RIT2: variants seen among roughly 807,000 people sequenced by gnomAD.
RIT2 encodes Ras like without CAAX 2.
In RIT2, 24 loss-of-function variants were observed where a neutral mutation model predicts 23.7. That is an observed-to-expected ratio of 1.01 (90% CI 0.73 to 1.43). The LOEUF (loss-of-function observed/expected upper bound fraction) is 1.43. Among genes scored for constraint, RIT2 ranks in the 40% most tolerant of loss-of-function variants. The pLI, the probability that RIT2 is intolerant of heterozygous loss-of-function variation, is 0.00. For synonymous variants in RIT2, 107 were observed against 91.1 expected (o/e 1.17, Z -0.99); for missense variants, 236 against 266.9 (o/e 0.88, Z 0.81).
chr18:42,790,034 G>C (rs1914007456), intron 4 of RIT2, among the ~76,000 whole-genome samples: 1 of 152,076 alleles, frequency 6.6e-6, no homozygotes, highest in South Asian at 2.1e-4. Context: ...TGTCATGAAG[G>C]GATGCTGAAT....
chr18:42,784,887 TG>T (rs1913890852), intron 4 of RIT2, among the ~76,000 whole-genome samples: 1 of 152,086 alleles, frequency 6.6e-6, no homozygotes, highest in African/African-American at 2.4e-5. Context: ...TTCCTTGCTA[TG>T]TATCATTAGA....
At chr18:42,997,096 G>A (rs1911002230) in intron 2 of RIT2, among the ~76,000 whole-genome samples, 1 of 152,050 alleles carries the variant, frequency 6.6e-6, no homozygotes, top group Non-Finnish European at 1.5e-5. Context: ...ATGCACCAGA[G>A]CAAAAGACAA....
chr18:42,887,540 C>T (rs8084102), intron 4 of RIT2, among the ~76,000 whole-genome samples: 16,056 of 152,144 alleles, frequency 0.11, 968 homozygotes, highest in Middle Eastern at 0.24. Context: ...AATTCTCCTT[C>T]ATTACTGGTG....
intron 4 of RIT2, among the ~76,000 whole-genome samples, chr18:42,882,124 C>T (rs1907911268): frequency 6.6e-6 from 1 of 152,090 alleles, no homozygotes; most frequent in Non-Finnish European, 1.5e-5. Context: ...TATATATTTT[C>T]TGCCACTCAA....
At chr18:42,746,387 G>T (rs1912916987) in intron 4 of RIT2, among the ~76,000 whole-genome samples, 1 of 152,062 alleles carries the variant, frequency 6.6e-6, no homozygotes, top group Non-Finnish European at 1.5e-5. Flanking sequence ...ACCTGCAGTT[G>T]CAGTACCTTA....
At chr18:42,929,566 T>C (rs1434312266) in intron 3 of RIT2, among the ~76,000 whole-genome samples, 1 of 152,150 alleles carries the variant, frequency 6.6e-6, no homozygotes, top group Non-Finnish European at 1.5e-5. Flanking sequence ...CCTGGAAAAC[T>C]CTTAACTAAA....
intron 1 of RIT2, among the ~76,000 whole-genome samples, chr18:43,096,354 G>A (rs891542975): frequency 8.6e-5 from 13 of 151,854 alleles, no homozygotes; most frequent in African/African-American, 3.1e-4. Context: ...TTATTAAACA[G>A]TATCCTTTGA....
chr18:42,758,516 T>C (rs949738839), intron 4 of RIT2, among the ~76,000 whole-genome samples: 2 of 151,198 alleles, frequency 1.3e-5, no homozygotes, highest in African/African-American at 4.9e-5. Context: ...CTTGTTTTAT[T>C]TTTATTTTTA....
At chr18:42,764,855 G>A (rs1913384150) in intron 4 of RIT2, among the ~76,000 whole-genome samples, 1 of 152,282 alleles carries the variant, frequency 6.6e-6, no homozygotes, top group South Asian at 2.1e-4. Flanking sequence ...ACAAAAGTTT[G>A]CTTAAAAAAC....
intron 1 of RIT2, among the ~76,000 whole-genome samples, chr18:43,107,744 G>T (rs1400808347): frequency 1.3e-5 from 2 of 152,116 alleles, no homozygotes; most frequent in Admixed American, 6.5e-5. Flanking sequence ...AAATTGTTTA[G>T]TCAGAGCTCC....
chr18:42,744,953 G>T (rs888466359), intron 4 of RIT2, among the ~76,000 whole-genome samples: 11 of 152,188 alleles, frequency 7.2e-5, no homozygotes, highest in African/African-American at 2.4e-4. Context: ...TGAGGCCAGG[G>T]ACCGTGTCTG....
chr18:43,045,389 AT>A (rs1233792001), intron 1 of RIT2, among the ~76,000 whole-genome samples: 1 of 152,128 alleles, frequency 6.6e-6, no homozygotes, highest in African/African-American at 2.4e-5. Flanking sequence ...CACAATAAGA[AT>A]TTACTCTGTC....
intron 4 of RIT2, among the ~76,000 whole-genome samples, chr18:42,917,891 C>T (rs1598713981): frequency 6.6e-6 from 1 of 152,080 alleles, no homozygotes; most frequent in African/African-American, 2.4e-5. Flanking sequence ...CTTGACCACC[C>T]TAGAGAAAAT....
At chr18:43,102,874 G>T (rs888729648) in intron 1 of RIT2, among the ~76,000 whole-genome samples, 1 of 151,942 alleles carries the variant, frequency 6.6e-6, no homozygotes. Context: ...GGCTGGTCTC[G>T]GACTCCTGGC....
chr18:42,911,019 A>G (rs775934908), intron 4 of RIT2, among the ~76,000 whole-genome samples: 1 of 152,116 alleles, frequency 6.6e-6, no homozygotes, highest in Non-Finnish European at 1.5e-5. Flanking sequence ...AACATTCACC[A>G]AGATAGACTA....
At chr18:43,058,804 A>G (rs1450398170) in intron 1 of RIT2, among the ~76,000 whole-genome samples, 1 of 152,064 alleles carries the variant, frequency 6.6e-6, no homozygotes, top group Non-Finnish European at 1.5e-5. Context: ...TGGGAGAATT[A>G]CTTGAGCCTG....
chr18:43,051,557 T>C (rs1315401055), intron 1 of RIT2, among the ~76,000 whole-genome samples: 2 of 152,094 alleles, frequency 1.3e-5, no homozygotes, highest in Non-Finnish European at 2.9e-5. Flanking sequence ...AAATTGGACA[T>C]GTGTGTCTAG....
At chr18:42,897,075 A>G (rs1270490993) in intron 4 of RIT2, among the ~76,000 whole-genome samples, 1 of 152,226 alleles carries the variant, frequency 6.6e-6, no homozygotes, top group Non-Finnish European at 1.5e-5. Context: ...CCTGTCAACC[A>G]TATAATCACA....
chr18:43,066,400 G>T (rs953243621), intron 1 of RIT2, among the ~76,000 whole-genome samples: 2 of 152,140 alleles, frequency 1.3e-5, no homozygotes, highest in African/African-American at 4.8e-5. Context: ...ATAGGCAATT[G>T]CACACCATTA....
Sources: gnomAD v4.1 joint callset for allele counts (sites outside exome capture counted in the v4.1 genomes callset) on GRCh38, gnomAD v4.1.1 for gene constraint, MANE v1.5 for transcripts, NCBI Gene and HGNC (gene_info 2026-07-23, HGNC 2026-07-21) for gene names.